C3: variants seen among roughly 807,000 people sequenced by gnomAD.
C3 encodes the protein C3 and PZP-like alpha-2-macroglobulin domain-containing protein 1.
C3 carries 97 observed loss-of-function variants against 207.9 expected under a neutral mutation model. That is an observed-to-expected ratio of 0.47 (90% confidence interval 0.40 to 0.55). C3 has a LOEUF of 0.55. Ranked by LOEUF, C3 falls within the 20% of genes least tolerant of loss-of-function variation. The probability of loss-of-function intolerance (pLI) is 0.00; values close to 1 mark genes in which losing one functional copy is unlikely to be tolerated. For missense variants in C3, 1,684 were observed against 2,171.7 expected (o/e 0.78, Z 4.46); for synonymous variants, 848 against 857.6 (o/e 0.99, Z 0.20).
intron 19 of C3, among the ~76,000 whole-genome samples, chr19:6,701,614 G>T (rs1047392095): frequency 2.6e-5 from 4 of 152,080 alleles, no homozygotes; most frequent in African/African-American, 9.7e-5. Context: ...TCCACCTCCC[G>T]GGTTCAACCA....
At chr19:6,714,140 C>G (rs947447116) in intron 6 of C3, 26 bp downstream of exon 6, 1 of 1,612,324 alleles carries the variant, frequency 6.2e-7, no homozygotes, top group Non-Finnish European at 8.5e-7. Context: ...TGGGCACTGA[C>G]TCCCCCCAGC....
intron 37 of C3, 93 bp downstream of exon 37, chr19:6,679,314 G>A (rs1192244431): frequency 2.8e-6 from 4 of 1,437,792 alleles, no homozygotes; most frequent in Non-Finnish European, 3.9e-6. Flanking sequence ...GTATCCCCTG[G>A]GTATGGGTCT....
At chr19:6,695,088 T>C (rs751804030) in intron 23 of C3, among the ~76,000 whole-genome samples, 17 of 151,806 alleles carry the variant, frequency 1.1e-4, no homozygotes, top group Non-Finnish European at 2.2e-4. Context: ...CTGACCAATA[T>C]GGTGAAACAC....
intron 15 of C3, 76 bp from the exon 16 acceptor site, chr19:6,707,613 G>A: frequency 1.3e-6 from 2 of 1,564,710 alleles, no homozygotes; most frequent in Non-Finnish European, 1.8e-6. Flanking sequence ...TCACGATCGT[G>A]TGAGGTGGGG....
chr19:6,720,161 G>A (rs1485506734), intron 1 of C3, among the ~76,000 whole-genome samples: 1 of 151,936 alleles, frequency 6.6e-6, no homozygotes, highest in African/African-American at 2.4e-5. Context: ...CACCATACCT[G>A]GATTCCACAA....
intron 29 of C3, 27 bp from the exon 30 acceptor site, chr19:6,685,173 T>C: frequency 6.2e-7 from 1 of 1,610,136 alleles, no homozygotes; most frequent in Non-Finnish European, 8.5e-7. Context: ...AGAAAGATGG[T>C]GATCTGGGAG....
chr19:6,689,342 TCCCTCCCTCCCTCC>T (rs1918103583), intron 27 of C3, among the ~76,000 whole-genome samples: 9 of 25,952 alleles, frequency 3.5e-4, no homozygotes, highest in African/African-American at 1.6e-3. Context: ...CCTCCCTCCC[TCCCTCCCTCCCTCC>T]CTCCCTCTCT....
rs771983289 is a variant in C3 at position 6,720,603 on chromosome 19, T to C, written c.-14A>G. 5.7e-6 allele frequency: 9 copies of C among 1,567,470 alleles called. No individual in the cohort carries two copies. The highest frequency in any genetic ancestry group is 6.9e-6 in the Non-Finnish European group (8 of 1,154,154). The stretch of plus-strand genomic sequence containing the variant: ...GGTGGGTCCCATGGTGCTGGGACAG[T>C]GCAGGGTCAGAGGGACAGAGGGACA... On this transcript the variant is annotated 5_prime_UTR_variant, in exon 1 of 41. Transcript: ENST00000245907.
At chr19:6,693,121 G>T in intron 25 of C3, 38 bp from the exon 26 acceptor site, 1 of 1,609,300 alleles carries the variant, frequency 6.2e-7, no homozygotes, top group Non-Finnish European at 8.5e-7. Context: ...TCGGCTCTGA[G>T]ATCCAGAGAC....
chr19:6,685,206 A>G, intron 29 of C3, 60 bp from the exon 30 acceptor site: 1 of 1,506,624 alleles, frequency 6.6e-7, no homozygotes, highest in Non-Finnish European at 9.2e-7. Context: ...GCTAGAATCC[A>G]GTGGGGGATA....
intron 21 of C3, 27 bp from the exon 22 acceptor site, chr19:6,696,686 T>G (rs2145410555): frequency 6.2e-7 from 1 of 1,601,090 alleles, no homozygotes; most frequent in Non-Finnish European, 8.6e-7. Flanking sequence ...GTGGGGGGAG[T>G]CGTTGGATGA....
chr19:6,693,405 G>A lies in C3; in HGVS notation c.3230+7C>T, dbSNP rs1918217648. 1 of 1,607,882 alleles carries A rather than the reference G, an allele frequency of 6.2e-7. No individual in the cohort carries two copies. The highest frequency in any genetic ancestry group is 8.5e-7 in the Non-Finnish European group (1 of 1,177,878). ...ATGCATGGCCTGAGCTGGCTGTTGG[G>A]ACTCACCAGGTGCTGGGTGCCCGTT... On this transcript the variant is annotated splice_region_variant and intron_variant, in intron 25 of 40. Transcript: ENST00000245907.
At chr19:6,686,452 T>C in intron 28 of C3, 165 bp from the exon 29 acceptor site, 1 of 758,496 alleles carries the variant, frequency 1.3e-6, no homozygotes, top group Non-Finnish European at 2.3e-6. Context: ...CTCTCTTGTT[T>C]CATCAACTCT....
chr19:6,695,549 G>T lies in C3; in HGVS notation c.2950+830C>A, dbSNP rs555759442. 5.9e-5 allele frequency among the ~76,000 whole-genome samples: 9 copies of T among 152,072 alleles called. No individual in the cohort carries two copies. In the East Asian group the frequency reaches 1.8e-3, roughly 30 times the overall value. Reference sequence around the variant, plus strand: ...GGCTGGAGTGCAGTGGCCTGATCTCGGCTTACTGCAACCTACGCCTCCCAC... The same window carrying T: ...GGCTGGAGTGCAGTGGCCTGATCTCTGCTTACTGCAACCTACGCCTCCCAC... On this transcript the variant is annotated intron_variant, in intron 23 of 40. Transcript: ENST00000245907.
chr19:6,692,351 G>T (rs1301516961), intron 26 of C3, among the ~76,000 whole-genome samples: 3 of 152,178 alleles, frequency 2.0e-5, no homozygotes, highest in Non-Finnish European at 4.4e-5. Context: ...GTGCTCGAAG[G>T]AGTTTTGTGT....
chr19:6,679,570 C>T (rs1226524716), intron 36 of C3, 74 bp from the exon 37 acceptor site: 1 of 995,424 alleles, frequency 1.0e-6, no homozygotes. Context: ...AGGCCCAGAT[C>T]CCCAGTTCTC....
intron 17 of C3, among the ~76,000 whole-genome samples, chr19:6,704,911 A>AG (rs1041013387): frequency 1.3e-5 from 2 of 151,972 alleles, no homozygotes; most frequent in Non-Finnish European, 2.9e-5. Context: ...AAAAAAAAAA[A>AG]AAGTTTTCGT....
At chr19:6,712,680 C>T in intron 9 of C3, 57 bp from the exon 10 acceptor site, 1 of 1,436,090 alleles carries the variant, frequency 7.0e-7, no homozygotes, top group Admixed American at 1.7e-5. Flanking sequence ...ATTAGACCTC[C>T]TCCCTCAGAA....
In C3 at chr19:6,686,015, C is replaced by T. The variant is rs1446620429; in HGVS notation, c.3810+109G>A. ...CAACTCCACTGCAATCACACTGGCT[C>T]GTGGGAATGAAGAACTGCCTCGCTG... On this transcript the variant is annotated intron_variant, in intron 29 of 40. Transcript: ENST00000245907. 2.6e-5 allele frequency: 28 copies of T among 1,089,474 alleles called. 1 individual carries two copies. Among genetic ancestry groups the T allele is most frequent in the Middle Eastern group, 2.8e-4 (1 of 3,510 alleles). The allele number at this position is 1,089,474 out of a possible 1,614,324, so 67.5% of individuals were successfully genotyped here. A position where few individuals can be genotyped will look rare whatever the true frequency, so the allele number is the denominator to read the frequency against.
Sources: gnomAD v4.1 joint callset for allele counts (sites outside exome capture counted in the v4.1 genomes callset) on GRCh38, gnomAD v4.1.1 for gene constraint, MANE v1.5 for transcripts, NCBI Gene and HGNC (gene_info 2026-07-23, HGNC 2026-07-21) for gene names.